Variants in CACNA1B observed in about 807,000 individuals in gnomAD.
CACNA1B encodes the protein calcium voltage-gated channel subunit alpha1 B.
Under a neutral mutation model 247.2 loss-of-function variants are expected in CACNA1B, and 70 were observed. That is an observed-to-expected ratio of 0.28 (90% confidence interval 0.23 to 0.35). The LOEUF is 0.35. Among genes scored for constraint, CACNA1B ranks in the 10% least tolerant of loss-of-function variants. The pLI is 1.00. For missense variants in CACNA1B, 2,367 were observed against 3,197.4 expected (o/e 0.74, Z 6.26); for synonymous variants, 1,231 against 1,294.4 (o/e 0.95, Z 1.05).
At chr9:138,083,559 C>G (rs539136197) in intron 36 of CACNA1B, among the ~76,000 whole-genome samples, 1 of 149,428 alleles carries the variant, frequency 6.7e-6, no homozygotes, top group Non-Finnish European at 1.5e-5. Flanking sequence ...GCTGAAGTGG[C>G]ACATTGTCCC....
intron 36 of CACNA1B, among the ~76,000 whole-genome samples, chr9:138,086,631 C>G (rs1225041561): frequency 6.6e-6 from 1 of 151,224 alleles, no homozygotes; most frequent in Non-Finnish European, 1.5e-5. Flanking sequence ...TATATATGGA[C>G]CCAACAGTAG....
At chr9:137,925,942 G>A (rs1318656615) in intron 6 of CACNA1B, among the ~76,000 whole-genome samples, 1 of 143,222 alleles carries the variant, frequency 7.0e-6, no homozygotes, top group Non-Finnish European at 1.5e-5. Context: ...TTTTAGTAGA[G>A]ACGGGATTTC....
chr9:137,994,217 T>A (rs1010856625), intron 15 of CACNA1B, among the ~76,000 whole-genome samples: 3 of 152,226 alleles, frequency 2.0e-5, no homozygotes, highest in African/African-American at 7.2e-5. Context: ...AAAAGCCACC[T>A]GTGACAAACC....
In CACNA1B at chr9:137,952,316, A is replaced by G; in HGVS notation, c.1009A>G (p.Ile337Val). Residue 337 changes from isoleucine to valine, a missense_variant, in exon 7 of 47, where the codon ATC becomes GTC. This residue lies in a region of CACNA1B where 32 missense variants were observed against 37.2 expected (regional missense o/e 0.86). Coordinates refer to ENST00000371372, the MANE Select transcript of CACNA1B (RefSeq NM_000718.4). The surrounding 1 kb of genome is among the most constrained non-coding windows in gnomAD (Gnocchi z 4.8). ...CAACACCTGGAACTGGCTCTACTTC[A>G]TCCCTCTCATCATCATCGGCTCCTT... The part of the protein sequence containing the change: ...AGNTWNWLYF[I>V]PLIIIGSFFM... The G allele has an allele frequency of 6.2e-7, 1 of 1,613,458 alleles. No homozygotes were observed. Among genetic ancestry groups the G allele is most frequent in the African/African-American group, 1.3e-5 (1 of 74,856 alleles).
Position 138,088,732 on chromosome 9 carries a change from A to T in CACNA1B, c.5095-7752A>T, listed in dbSNP as rs148862972. Among the ~76,000 whole-genome samples the T allele has an allele frequency of 2.8e-4, 42 of 151,940 alleles. No homozygotes were observed. In the East Asian group the frequency reaches 8.2e-3, roughly 30 times the overall value. On this transcript the variant is annotated intron_variant, in intron 36 of 46. Coordinates refer to ENST00000371372, the MANE Select transcript of CACNA1B (RefSeq NM_000718.4). ...CGCTTTGTGAGGTCAAGGCAGGCAG[A>T]TCATGAGGTCAGGAGATCGAGACCA...
rs746177646 is a variant in CACNA1B, at chr9:137,878,032, T to A, written c.99T>A (p.Gly33=). Reference sequence around the variant, plus strand: ...GGGCCGGCGGGGCGGGGGGCCCGGGTCCCGGGGGGCTGCAGCCCGGCCAGC... The same window carrying A: ...GGGCCGGCGGGGCGGGGGGCCCGGGACCCGGGGGGCTGCAGCCCGGCCAGC... The part of the protein sequence containing the change: ...GGGAGGAGGP[G]PGGLQPGQRV... Residue 33 remains glycine (G), a synonymous_variant, in exon 1 of 47, where the codon GGT becomes GGA. Coordinates refer to ENST00000371372, the MANE Select transcript of CACNA1B (RefSeq NM_000718.4). 7.9e-7 allele frequency: 1 copy of A among 1,268,298 alleles called. No homozygotes were observed. The highest frequency in any genetic ancestry group is 3.0e-5 in the South Asian group (1 of 33,440). The allele number at this position is 1,268,298 out of a possible 1,614,324, so 78.6% of individuals were successfully genotyped here. A position where few individuals can be genotyped will look rare whatever the true frequency, so the allele number is the denominator to read the frequency against.
Position 138,121,773 on chromosome 9 carries a change from A to T in CACNA1B, c.6794A>T (p.Asp2265Val), listed in dbSNP as rs909869993. ...GACCCTTACCTGGGGCAGCGTCTGG[A>T]CAGTGAGGCCTCTGTCCACGCCCTG... is the stretch of plus-strand genomic sequence containing the variant. ...GSDPYLGQRL[D>V]SEASVHALPE... is the part of the protein sequence containing the mutation. The change falls in exon 47 of 47, where the codon GAC (aspartate) becomes GTC (valine). Residue 2265 changes from aspartate to valine, a missense_variant. Asp to Val is a radical substitution (Grantham distance 152). Coordinates refer to ENST00000371372, the MANE Select transcript of CACNA1B (RefSeq NM_000718.4). This position sits in a 1 kb window ranked among gnomAD's most constrained non-coding sequence, Gnocchi z 6.8. The T allele has an allele frequency of 2.5e-6, 4 of 1,613,134 alleles. No individual in the cohort carries two copies. The highest frequency in any genetic ancestry group is 3.4e-6 in the Non-Finnish European group (4 of 1,179,856).
At chr9:138,049,446 TG>T in intron 24 of CACNA1B, 131 bp downstream of exon 24, 1 of 700,020 alleles carries the variant, frequency 1.4e-6, no homozygotes, top group Non-Finnish European at 2.6e-6. Flanking sequence ...GCTGTCCATG[TG>T]GGACTGTCCC....
rs1197198984 is a variant in CACNA1B at position 137,878,215 on chromosome 9, G to C, written c.282G>C (p.Trp94Cys). The C allele has an allele frequency of 2.9e-6, 3 of 1,026,040 alleles. No homozygotes were observed. The highest frequency in any genetic ancestry group is 3.4e-5 in the African/African-American group (2 of 58,478). The allele number at this position is 1,026,040 out of a possible 1,614,324, so 63.6% of individuals were successfully genotyped here. Residue 94 changes from tryptophan (W) to cysteine (C), a missense_variant and splice_region_variant, in exon 1 of 47, where the codon TGG becomes TGC. By Grantham distance (215) the Trp-to-Cys change is radical. This residue lies in a region of CACNA1B where 130 missense variants were observed against 338.7 expected (regional missense o/e 0.38). Coordinates refer to ENST00000371372, the MANE Select transcript of CACNA1B (RefSeq NM_000718.4). ...VRKYAKRITE[W>C]PPFEYMILAT... is the part of the protein sequence containing the mutation. ...AATACGCGAAGCGCATCACCGAGTG[G>C]CCATATCCTGCCGGGCGGGGCCGGG...
chr9:138,108,877 C>T (rs1961529560), intron 39 of CACNA1B, among the ~76,000 whole-genome samples: 1 of 152,188 alleles, frequency 6.6e-6, no homozygotes, highest in Admixed American at 6.5e-5. Context: ...TCTCCATCTC[C>T]TGACCTCGTG....
In CACNA1B at chr9:137,964,570, T is replaced by C. The variant is rs1462960345; in HGVS notation, c.1334-6813T>C. On this transcript the variant is annotated intron_variant, in intron 10 of 46. Coordinates refer to ENST00000371372, the MANE Select transcript of CACNA1B (RefSeq NM_000718.4). ...TGGTTATGTTCCTTTCTAAACTGGC[T>C]GTATTGGCTATCAGTTCCTGTATTG... 2.6e-5 allele frequency among the ~76,000 whole-genome samples: 4 copies of C among 152,224 alleles called. 1 individual carries two copies. Among genetic ancestry groups the C allele is most frequent in the Admixed American group, 2.0e-4 (3 of 15,284 alleles).
At chr9:137,965,741 A>G (rs555559897) in intron 10 of CACNA1B, among the ~76,000 whole-genome samples, 58 of 152,174 alleles carry the variant, frequency 3.8e-4, no homozygotes, top group South Asian at 2.7e-3. Flanking sequence ...ACCCACCACC[A>G]CGCCCAGCTA....
intron 36 of CACNA1B, among the ~76,000 whole-genome samples, chr9:138,092,629 G>A (rs900647425): frequency 6.6e-6 from 1 of 152,172 alleles, no homozygotes; most frequent in Non-Finnish European, 1.5e-5. Flanking sequence ...CTCAGCTTAC[G>A]AAGATGACAG....
rs540817132 is a variant in CACNA1B, at chr9:137,898,901, C to T, written c.531-14279C>T. Among the ~76,000 whole-genome samples, 10 of 151,610 alleles carry T rather than the reference C, an allele frequency of 6.6e-5. No individual in the cohort carries two copies. The East Asian group carries it at 9.7e-4, about 15-fold the overall frequency. Reference sequence around the variant, plus strand: ...TTTCACCATGTTAGCCAGGATGTCTCGATCTCCTGACCTCATGATCCGCCT... The same window carrying T: ...TTTCACCATGTTAGCCAGGATGTCTTGATCTCCTGACCTCATGATCCGCCT... On this transcript the variant is annotated intron_variant, in intron 3 of 46. Transcript: ENST00000371372.
chr9:138,037,210 CG>C (rs1456076383), intron 20 of CACNA1B, among the ~76,000 whole-genome samples: 3 of 152,164 alleles, frequency 2.0e-5, no homozygotes, highest in African/African-American at 7.2e-5. Flanking sequence ...TAATTAGATC[CG>C]GAACAGGGCT....
intron 15 of CACNA1B, among the ~76,000 whole-genome samples, chr9:137,991,147 G>A (rs563939322): frequency 1.3e-5 from 2 of 152,176 alleles, no homozygotes; most frequent in South Asian, 2.1e-4. Flanking sequence ...AATCAAGGAG[G>A]TACCAGAGAA....
intron 6 of CACNA1B, among the ~76,000 whole-genome samples, chr9:137,951,509 C>A (rs1307597513): frequency 6.6e-6 from 1 of 152,210 alleles, no homozygotes; most frequent in East Asian, 1.9e-4. Flanking sequence ...GGCTGCCTCC[C>A]TTGGCACCCA....
In CACNA1B at chr9:138,121,543, G is replaced by A. The variant is rs747617583; in HGVS notation, c.6564G>A (p.Arg2188=). 5 of 1,593,990 alleles carry A rather than the reference G, an allele frequency of 3.1e-6. No homozygotes were observed. In the South Asian group the frequency reaches 5.7e-5, roughly 18 times the overall value. Residue 2188 remains arginine, a synonymous_variant, in exon 47 of 47, where the codon AGG becomes AGA. Transcript: ENST00000371372. The surrounding 1 kb of genome is among the most constrained non-coding windows in gnomAD (Gnocchi z 6.8). Reference sequence around the variant, plus strand: ...GCACCCCCGGCCGCGGTGGGCGGAGGCAGCTCCCCCAGACGCCCCTGACTC... The same window carrying A: ...GCACCCCCGGCCGCGGTGGGCGGAGACAGCTCCCCCAGACGCCCCTGACTC... ...GASTPGRGGR[R]QLPQTPLTPR...
intron 3 of CACNA1B, among the ~76,000 whole-genome samples, chr9:137,905,639 C>T (rs1192677032): frequency 6.6e-6 from 1 of 152,302 alleles, no homozygotes; most frequent in East Asian, 1.9e-4. Flanking sequence ...CTTAAAATTA[C>T]AAGTCTCAAT....
Sources: gnomAD v4.1 joint callset for allele counts (sites outside exome capture counted in the v4.1 genomes callset) on GRCh38, gnomAD v4.1.1 for gene constraint, gnomAD v4.1.1 regional missense constraint, Gnocchi (gnomAD v3.1) non-coding constraint, MANE v1.5 for transcripts, NCBI Gene and HGNC (gene_info 2026-07-23, HGNC 2026-07-21) for gene names.